The following NXPH2 variants were observed in gnomAD, a reference collection of about 807,000 sequenced individuals.
NXPH2 encodes the protein neurexophilin 2.
NXPH2 carries 5 observed loss-of-function variants against 19.8 expected under a neutral mutation model. The observed-to-expected ratio is 0.25, with a 90% CI of 0.13 to 0.53. The LOEUF (loss-of-function observed/expected upper bound fraction) is 0.53. Ranked by LOEUF, NXPH2 falls within the 20% of genes least tolerant of loss-of-function variation. The probability of loss-of-function intolerance (pLI) is 0.96; values close to 1 mark genes in which losing one functional copy is unlikely to be tolerated. For synonymous variants in NXPH2, 154 were observed against 127.4 expected (o/e 1.21, Z -1.41); for missense variants, 289 against 322.8 (o/e 0.90, Z 0.80).
chr2:138,742,024 T>A (rs996971798), intron 1 of NXPH2, among the ~76,000 whole-genome samples: 3 of 152,212 alleles, frequency 2.0e-5, no homozygotes, highest in African/African-American at 7.2e-5. Flanking sequence ...CATCATTACC[T>A]CATGATTCTA....
At chr2:138,746,310 C>T (rs899090648) in intron 1 of NXPH2, among the ~76,000 whole-genome samples, 10 of 152,234 alleles carry the variant, frequency 6.6e-5, no homozygotes, top group Admixed American at 2.0e-4. Flanking sequence ...AAAGGACAAG[C>T]TATTCAGTAG....
chr2:138,728,231 G>A (rs1048491303), intron 1 of NXPH2, among the ~76,000 whole-genome samples: 15 of 152,088 alleles, frequency 9.9e-5, no homozygotes, highest in African/African-American at 3.6e-4. Context: ...AGGATCATAT[G>A]AAGACACAGG....
At chr2:138,688,270 G>A (rs141438702) in intron 1 of NXPH2, among the ~76,000 whole-genome samples, 55 of 152,224 alleles carry the variant, frequency 3.6e-4, no homozygotes, top group African/African-American at 1.2e-3. Context: ...TGCAACCTCC[G>A]CCTTCCGGGT....
chr2:138,670,703 AAC>A lies in NXPH2; in HGVS notation c.*217_*218del, dbSNP rs1246568078. 13 of 450,144 alleles carry A rather than the reference AAC, an allele frequency of 2.9e-5. No homozygotes were observed. Among genetic ancestry groups the A allele is most frequent in the Non-Finnish European group, 4.7e-5 (12 of 257,546 alleles). 27.9% of individuals were successfully genotyped at this position (450,144 alleles called of 1,614,324 possible). A position where few individuals can be genotyped will look rare whatever the true frequency, so the allele number is the denominator to read the frequency against. On this transcript the variant is annotated 3_prime_UTR_variant, in exon 2 of 2. Transcript: ENST00000272641. ...CTTGCATGAAAGTGATGGTTTCATA[AAC>A]AGTTTAACTTTTTAGATAAAGGTAC...
chr2:138,712,462 C>T (rs1681119570), intron 1 of NXPH2, among the ~76,000 whole-genome samples: 2 of 152,152 alleles, frequency 1.3e-5, no homozygotes, highest in Admixed American at 1.3e-4. Flanking sequence ...CATGTTGACT[C>T]AGTTTTACTC....
At chr2:138,780,116 A>G in intron 1 of NXPH2, 75 bp downstream of exon 1, 1 of 1,402,666 alleles carries the variant, frequency 7.1e-7, no homozygotes, top group Middle Eastern at 1.9e-4. Flanking sequence ...CTGGGCTCCA[A>G]GTCAGCCGCC....
chr2:138,687,871 G>C (rs1680684929), intron 1 of NXPH2, among the ~76,000 whole-genome samples: 1 of 152,080 alleles, frequency 6.6e-6, no homozygotes, highest in South Asian at 2.1e-4. Context: ...TTATTTCTGA[G>C]GGCTCTGTTC....
intron 1 of NXPH2, among the ~76,000 whole-genome samples, chr2:138,779,399 G>C (rs1179158587): frequency 1.3e-5 from 2 of 152,162 alleles, no homozygotes; most frequent in Non-Finnish European, 2.9e-5. Context: ...TCAGGAGGAG[G>C]AGAGCGTGGC....
chr2:138,758,419 T>C (rs1681948924), intron 1 of NXPH2, among the ~76,000 whole-genome samples: 1 of 152,170 alleles, frequency 6.6e-6, no homozygotes. Context: ...TCTCCTTATT[T>C]ACAGGGAAGT....
intron 1 of NXPH2, among the ~76,000 whole-genome samples, chr2:138,680,180 T>C (rs1573951417): frequency 6.6e-6 from 1 of 152,162 alleles, no homozygotes; most frequent in Non-Finnish European, 1.5e-5. Context: ...AACTTAACCA[T>C]CCCAGCACAC....
At chr2:138,678,639 A>G (rs372966906) in intron 1 of NXPH2, among the ~76,000 whole-genome samples, 16 of 152,310 alleles carry the variant, frequency 1.1e-4, no homozygotes, top group Admixed American at 7.2e-4. Context: ...TGTGTCTGTC[A>G]TCACCATTAT....
intron 1 of NXPH2, among the ~76,000 whole-genome samples, chr2:138,690,413 C>T (rs1294054697): frequency 1.3e-5 from 2 of 152,158 alleles, no homozygotes; most frequent in Admixed American, 1.3e-4. Context: ...CCATGTCCCT[C>T]CACTGTTCAC....
At chr2:138,742,385 A>T (rs1681659427) in intron 1 of NXPH2, among the ~76,000 whole-genome samples, 1 of 152,184 alleles carries the variant, frequency 6.6e-6, no homozygotes, top group Non-Finnish European at 1.5e-5. Flanking sequence ...CCCTGGAACT[A>T]TTTGGAAATA....
At chr2:138,757,575 C>T (rs1681931128) in intron 1 of NXPH2, among the ~76,000 whole-genome samples, 2 of 152,042 alleles carry the variant, frequency 1.3e-5, no homozygotes. Context: ...TTCTTGCCTG[C>T]TTGTGATCTC....
chr2:138,767,358 CTCTA>C (rs1415981013), intron 1 of NXPH2, among the ~76,000 whole-genome samples: 7 of 152,264 alleles, frequency 4.6e-5, no homozygotes, highest in Non-Finnish European at 1.0e-4. Flanking sequence ...CATCCCTTTG[CTCTA>C]TCTCTCTCTT....
intron 1 of NXPH2, among the ~76,000 whole-genome samples, chr2:138,776,489 T>C (rs1269163509): frequency 2.0e-5 from 3 of 152,036 alleles, no homozygotes; most frequent in Non-Finnish European, 4.4e-5. Flanking sequence ...GGTGGGTGAC[T>C]GGAACCAAGG....
chr2:138,774,206 T>G (rs1682223247), intron 1 of NXPH2, among the ~76,000 whole-genome samples: 1 of 152,206 alleles, frequency 6.6e-6, no homozygotes, highest in African/African-American at 2.4e-5. Context: ...TAGATGTTAG[T>G]TTACAATTTA....
intron 1 of NXPH2, among the ~76,000 whole-genome samples, chr2:138,743,013 T>C (rs1372744014): frequency 6.6e-6 from 1 of 152,236 alleles, no homozygotes; most frequent in African/African-American, 2.4e-5. Flanking sequence ...AGTGAGATCA[T>C]TTCTTATATA....
chr2:138,732,390 C>G (rs1383157347), intron 1 of NXPH2, among the ~76,000 whole-genome samples: 1 of 152,116 alleles, frequency 6.6e-6, no homozygotes, highest in Non-Finnish European at 1.5e-5. Context: ...TTAAAAGGCA[C>G]CAGCATGGTT....
Sources: allele counts gnomAD v4.1 joint callset (sites outside exome capture counted in the v4.1 genomes callset), GRCh38; gene constraint gnomAD v4.1.1; transcripts MANE v1.5; gene names NCBI Gene and HGNC (gene_info 2026-07-23, HGNC 2026-07-21).